SDK2: variants seen among roughly 807,000 people sequenced by gnomAD.
SDK2 encodes sidekick cell adhesion molecule 2.
In SDK2, 105 loss-of-function variants were observed where a neutral mutation model predicts 253.9. The observed-to-expected ratio is 0.41, with a 90% CI of 0.35 to 0.49. The LOEUF (loss-of-function observed/expected upper bound fraction) is 0.49, where lower values mean the gene tolerates loss of function less well. Among genes scored for constraint, SDK2 ranks in the 20% least tolerant of loss-of-function variants. The pLI is 0.06. For synonymous variants in SDK2, 1,249 were observed against 1,234.9 expected (o/e 1.01, Z -0.24); for missense variants, 2,608 against 3,003.0 (o/e 0.87, Z 3.07).
At chr17:73,453,344 GT>G (rs2063501566) in intron 4 of SDK2, among the ~76,000 whole-genome samples, 1 of 150,604 alleles carries the variant, frequency 6.6e-6, no homozygotes, top group Admixed American at 6.6e-5. Context: ...AAAGAAATGT[GT>G]ATTGCTCTAA....
At chr17:73,622,102 T>C (rs956253155) in intron 1 of SDK2, among the ~76,000 whole-genome samples, 25 of 152,234 alleles carry the variant, frequency 1.6e-4, no homozygotes, top group Admixed American at 9.2e-4. Flanking sequence ...ATGTGTCCAC[T>C]AGAGTCAGCT....
intron 1 of SDK2, among the ~76,000 whole-genome samples, chr17:73,614,254 G>A (rs2046018871): frequency 6.6e-6 from 1 of 152,136 alleles, no homozygotes. Flanking sequence ...GGCAGGCCTG[G>A]TTCTTGCCTC....
intron 24 of SDK2, among the ~76,000 whole-genome samples, chr17:73,396,438 G>A (rs542290286): frequency 2.0e-5 from 3 of 152,168 alleles, no homozygotes; most frequent in African/African-American, 7.2e-5. Context: ...GAGGGCCCTT[G>A]GTCCACAGGC....
Position 73,365,315 on chromosome 17 carries a change from G to A in SDK2, c.5248C>T (p.Pro1750Ser). 6.2e-7 allele frequency: 1 copy of A among 1,613,168 alleles called. No homozygotes were observed. Among genetic ancestry groups the A allele is most frequent in the Admixed American group, 1.7e-5 (1 of 59,934 alleles). The stretch of plus-strand genomic sequence containing the variant: ...CTGTAGCCCTCCAGGATGCCATTGG[G>A]GAACTGCGGGGCTTCCCAGGACACA... ...VNVSWEAPQF[P>S]NGILEGYRLV... Residue 1750 changes from proline (P) to serine (S), a missense_variant, in exon 38 of 45, where the codon CCC becomes TCC. Pro to Ser is a moderately conservative substitution (Grantham distance 74, BLOSUM62 -1). Transcript: ENST00000392650.
intron 2 of SDK2, among the ~76,000 whole-genome samples, chr17:73,497,465 C>T (rs573669369): frequency 4.9e-4 from 74 of 152,274 alleles, no homozygotes; most frequent in Non-Finnish European, 8.5e-4. Context: ...TCAGACTTTT[C>T]TTCTAGTTGC....
chr17:73,500,242 A>T (rs958580243), intron 2 of SDK2, among the ~76,000 whole-genome samples: 2 of 110,422 alleles, frequency 1.8e-5, no homozygotes, highest in Admixed American at 1.0e-4. Context: ...CTTCTCCACC[A>T]TCCTCCGTCC....
chr17:73,515,063 G>A (rs907820139), intron 1 of SDK2, among the ~76,000 whole-genome samples: 1 of 152,198 alleles, frequency 6.6e-6, no homozygotes, highest in African/African-American at 2.4e-5. Context: ...TATCCATGAA[G>A]CACTTTACAT....
chr17:73,348,546 T>C (rs1477902852), intron 44 of SDK2, 53 bp downstream of exon 44: 9 of 1,592,624 alleles, frequency 5.7e-6, no homozygotes, highest in Non-Finnish European at 7.7e-6. Context: ...TGCCCCACTC[T>C]GGGAGGCGCT....
At chr17:73,375,924 G>A (rs996706600) in intron 36 of SDK2, among the ~76,000 whole-genome samples, 2 of 151,772 alleles carry the variant, frequency 1.3e-5, no homozygotes, top group African/African-American at 4.8e-5. Flanking sequence ...GGCTGGATGC[G>A]CTGGCTCACT....
In SDK2 at chr17:73,420,739, G is replaced by A. The variant is rs1184364447; in HGVS notation, c.2046-1433C>T. 2.6e-5 allele frequency among the ~76,000 whole-genome samples: 4 copies of A among 151,968 alleles called. No homozygotes were observed. In the South Asian group the frequency reaches 6.2e-4, roughly 24 times the overall value. On this transcript the variant is annotated intron_variant, in intron 15 of 44. Transcript: ENST00000392650. ...CCCCCAGGCTGGAGTGCGGTGGCACGATTTCACCTCACTGCAACCTCCGTC... is the reference window on the plus strand; with the variant it reads ...CCCCCAGGCTGGAGTGCGGTGGCACAATTTCACCTCACTGCAACCTCCGTC...
chr17:73,433,532 G>A (rs975078529), intron 10 of SDK2, among the ~76,000 whole-genome samples, 200 bp downstream of exon 10: 2 of 152,060 alleles, frequency 1.3e-5, no homozygotes, highest in Non-Finnish European at 1.5e-5. Flanking sequence ...AGGGTGATCT[G>A]CCCACCTCAA....
In SDK2 at chr17:73,338,131, C is replaced by T. The variant is rs184356824; in HGVS notation, c.*456G>A. On this transcript the variant is annotated 3_prime_UTR_variant, in exon 45 of 45. Transcript: ENST00000392650. The surrounding 1 kb of genome is among the most constrained non-coding windows in gnomAD (Gnocchi z 5.0). ...AGGCGTGGCCTCCGGGATGCCCATT[C>T]TTTTTGCAGAGAGCAGCGGCAGTGG... is the stretch of plus-strand genomic sequence containing the variant. 7 of 267,168 alleles carry T rather than the reference C, an allele frequency of 2.6e-5. No individual in the cohort carries two copies. The highest frequency in any genetic ancestry group is 1.4e-4 in the South Asian group (4 of 28,960). 16.5% of individuals were successfully genotyped at this position (267,168 alleles called of 1,614,324 possible).
chr17:73,407,524 G>T (rs577712701), intron 18 of SDK2, among the ~76,000 whole-genome samples: 2 of 151,952 alleles, frequency 1.3e-5, no homozygotes, highest in African/African-American at 4.8e-5. Context: ...ACAGAAAGAC[G>T]TCCCCCTCCA....
intron 31 of SDK2, 55 bp from the exon 32 acceptor site, chr17:73,385,972 G>C: frequency 7.4e-7 from 1 of 1,344,424 alleles, no homozygotes; most frequent in Admixed American, 2.1e-5. Flanking sequence ...AAGTTCCCCA[G>C]GAGCCCACTG....
intron 1 of SDK2, among the ~76,000 whole-genome samples, chr17:73,606,849 G>C (rs2045915058): frequency 1.3e-5 from 2 of 152,172 alleles, no homozygotes; most frequent in South Asian, 4.1e-4. Flanking sequence ...GTGAGAAGGG[G>C]TGCAGATCAG....
chr17:73,569,477 C>A (rs577282924), intron 1 of SDK2, among the ~76,000 whole-genome samples: 4 of 151,932 alleles, frequency 2.6e-5, no homozygotes, highest in African/African-American at 4.8e-5. Flanking sequence ...GGATTACAGG[C>A]GTGAGGCACC....
In SDK2 at chr17:73,390,463, C is replaced by T. The variant is rs1474624250; in HGVS notation, c.4016G>A (p.Arg1339Gln). ...GIILAYQITH[R>Q]LNTTTANTAT... ...GGTGTTGGCCGTGGTGGTGTTGAGC[C>T]GGTGTGTGATCTGGTAAGCTGTGGG... The change falls in exon 29 of 45, where the codon CGG becomes CAG. Residue 1339 changes from arginine to glutamine, a missense_variant. By Grantham distance (43) the Arg-to-Gln change is conservative (BLOSUM62 1). Coordinates refer to ENST00000392650, the MANE Select transcript of SDK2 (RefSeq NM_001144952.2). The T allele has an allele frequency of 1.7e-5, 28 of 1,611,868 alleles. No homozygotes were observed. The highest frequency in any genetic ancestry group is 1.6e-4 in the Middle Eastern group (1 of 6,072).
chr17:73,405,478 AT>A (rs1568385599), intron 18 of SDK2, among the ~76,000 whole-genome samples: 7 of 59,202 alleles, frequency 1.2e-4, no homozygotes, highest in Non-Finnish European at 2.1e-4. Flanking sequence ...ATATATATAT[AT>A]ATATATATAT....
At position 73,435,622 on chromosome 17, in the gene SDK2, G is replaced by A. The variant is rs750568805; in HGVS notation, c.1023C>T (p.Thr341=). 13 of 1,569,980 alleles carry A rather than the reference G, an allele frequency of 8.3e-6. No homozygotes were observed. The highest frequency in any genetic ancestry group is 1.1e-5 in the Non-Finnish European group (13 of 1,157,194). Residue 341 remains threonine (T), a synonymous_variant, in exon 9 of 45, where the codon ACC becomes ACT. Transcript: ENST00000392650. This position sits in a 1 kb window ranked among gnomAD's most constrained non-coding sequence, Gnocchi z 5.7. ...QAKGVPPPSI[T]WYKDAAVVEV... is the part of the protein sequence containing the mutation. ...CCACCACGGCTGCGTCCTTGTACCA[G>A]GTGATGGAGGGCGGCGGCACACCTG... is the stretch of plus-strand genomic sequence containing the variant.
Sources: gnomAD v4.1 joint callset for allele counts (sites outside exome capture counted in the v4.1 genomes callset) on GRCh38, gnomAD v4.1.1 for gene constraint, Gnocchi (gnomAD v3.1) non-coding constraint, MANE v1.5 for transcripts, NCBI Gene and HGNC (gene_info 2026-07-23, HGNC 2026-07-21) for gene names.